The following DAGLB variants were observed in gnomAD, a reference collection of about 807,000 sequenced individuals.
The protein encoded by DAGLB is diacylglycerol lipase-beta.
Under a neutral mutation model 72.1 loss-of-function variants are expected in DAGLB, and 66 were observed. That is an observed-to-expected ratio of 0.92 (90% CI 0.75 to 1.12). DAGLB has a LOEUF of 1.12. Ranked by LOEUF, DAGLB falls within the 50% of genes most tolerant of loss-of-function variation. The pLI, the probability that DAGLB is intolerant of heterozygous loss-of-function variation, is 0.00. For synonymous variants in DAGLB, 414 were observed against 359.5 expected (o/e 1.15, Z -1.71); for missense variants, 1,065 against 884.9 (o/e 1.20, Z -2.58).
intron 11 of DAGLB, among the ~76,000 whole-genome samples, chr7:6,416,026 A>T (rs1468772572): frequency 6.6e-6 from 1 of 151,870 alleles, no homozygotes; most frequent in African/African-American, 2.4e-5. Flanking sequence ...CCCCTCTGCC[A>T]GGGCTGTGAG....
Position 6,416,901 on chromosome 7 carries a change from T to G in DAGLB, c.1239A>C (p.Arg413Ser). The G allele has an allele frequency of 6.2e-7, 1 of 1,614,214 alleles. No individual in the cohort carries two copies. Among genetic ancestry groups the G allele is most frequent in the Non-Finnish European group, 8.5e-7 (1 of 1,180,038 alleles). ...LAHKGISQAA[R>S]YVYQRLINDG... ...CGTTGATGAGTCGTTGGTAAACGTA[T>G]CTGGCAGCTTGAGAAATACCCTAAA... is the stretch of plus-strand genomic sequence containing the variant. Residue 413 changes from arginine to serine, a missense_variant, in exon 10 of 15, where the codon AGA becomes AGC. Coordinates refer to ENST00000297056, the MANE Select transcript of DAGLB (RefSeq NM_139179.4).
At chr7:6,430,677 C>A in intron 5 of DAGLB, 70 bp from the exon 6 acceptor site, 2 of 1,392,508 alleles carry the variant, frequency 1.4e-6, no homozygotes, top group Non-Finnish European at 9.5e-7. Context: ...CACACTGAGA[C>A]CTGAAACCTG....
chr7:6,443,813 C>T (rs575406533), intron 2 of DAGLB, among the ~76,000 whole-genome samples: 7 of 152,212 alleles, frequency 4.6e-5, no homozygotes, highest in African/African-American at 1.7e-4. Context: ...CTGCCTCTGA[C>T]CAATGAATCA....
intron 2 of DAGLB, among the ~76,000 whole-genome samples, 180 bp from the exon 3 acceptor site, chr7:6,436,713 A>G (rs1784670394): frequency 6.6e-6 from 1 of 152,160 alleles, no homozygotes; most frequent in Non-Finnish European, 1.5e-5. Flanking sequence ...GAAAATGAGG[A>G]TGGGAAACGT....
At chr7:6,426,360 C>G (rs2115265849) in intron 6 of DAGLB, among the ~76,000 whole-genome samples, 2 of 152,362 alleles carry the variant, frequency 1.3e-5, no homozygotes, top group East Asian at 3.9e-4. Flanking sequence ...ACCTCCGCCT[C>G]CCAGGTTCAG....
chr7:6,413,340 T>A (rs895716242), intron 11 of DAGLB, among the ~76,000 whole-genome samples: 1 of 152,132 alleles, frequency 6.6e-6, no homozygotes, highest in Non-Finnish European at 1.5e-5. Context: ...CCATCAAAGA[T>A]GCACTGGAGG....
At chr7:6,442,314 C>T (rs1784860304) in intron 2 of DAGLB, among the ~76,000 whole-genome samples, 1 of 152,088 alleles carries the variant, frequency 6.6e-6, no homozygotes, top group Non-Finnish European at 1.5e-5. Context: ...TGAGCTCTGA[C>T]CACAAGTACA....
chr7:6,445,748 C>T, intron 2 of DAGLB: 1 of 491,610 alleles, frequency 2.0e-6, no homozygotes, highest in Non-Finnish European at 3.4e-6. Flanking sequence ...CAGGTGTGAG[C>T]CACTGTGTCC....
At chr7:6,445,359 A>T (rs916056884) in intron 2 of DAGLB, among the ~76,000 whole-genome samples, 1 of 152,220 alleles carries the variant, frequency 6.6e-6, no homozygotes, top group Non-Finnish European at 1.5e-5. Flanking sequence ...GCTAAGCTTA[A>T]GAAACCAGAC....
chr7:6,418,245 T>G (rs949552141), intron 9 of DAGLB, among the ~76,000 whole-genome samples: 2 of 152,082 alleles, frequency 1.3e-5, no homozygotes, highest in African/African-American at 2.4e-5. Flanking sequence ...GGCTCATGCC[T>G]GTAATTCCAA....
chr7:6,420,947 CGCACTCTCT>C (rs1461059583), intron 9 of DAGLB, among the ~76,000 whole-genome samples: 3 of 152,194 alleles, frequency 2.0e-5, no homozygotes, highest in African/African-American at 7.2e-5. Context: ...GACCCTGGTG[CGCACTCTCT>C]GCTGCTCTGA....
intron 1 of DAGLB, among the ~76,000 whole-genome samples, chr7:6,446,728 GC>G (rs2115304617): frequency 6.6e-6 from 1 of 151,596 alleles, no homozygotes; most frequent in Admixed American, 6.6e-5. Context: ...AAAGATCTAG[GC>G]CCGGCACGGC....
At chr7:6,440,674 T>C (rs913023117) in intron 2 of DAGLB, among the ~76,000 whole-genome samples, 6 of 152,140 alleles carry the variant, frequency 3.9e-5, no homozygotes, top group African/African-American at 1.4e-4. Context: ...TGGCGGGAAG[T>C]TCGAGACCAG....
At chr7:6,435,845 C>T (rs542091212) in intron 3 of DAGLB, among the ~76,000 whole-genome samples, 2 of 152,322 alleles carry the variant, frequency 1.3e-5, no homozygotes, top group East Asian at 3.9e-4. Context: ...GCAGCAACAG[C>T]CCAGGTCTGA....
In DAGLB at chr7:6,421,711, G is replaced by A. The variant is rs764921115; in HGVS notation, c.1218+16C>T. ...GTCAGCATTCACAGGCAAGACACAC[G>A]AGTCCGCGCTCATACCTTGTGTGCC... On this transcript the variant is annotated intron_variant, in intron 9 of 14. Coordinates refer to ENST00000297056, the MANE Select transcript of DAGLB (RefSeq NM_139179.4). The A allele has an allele frequency of 6.3e-6, 10 of 1,593,620 alleles. No homozygotes were observed. The South Asian group carries it at 6.7e-5, about 11-fold the overall frequency.
chr7:6,412,960 G>A lies in DAGLB; in HGVS notation c.1496+6C>T. On this transcript the variant is annotated splice_donor_region_variant and intron_variant, in intron 12 of 14. Transcript: ENST00000297056. ...CAGCCCTGGGCACAGCACCAGGTGGGCTTACCTGGGAATCACATCCTTCCC... is the reference window on the plus strand; with the variant it reads ...CAGCCCTGGGCACAGCACCAGGTGGACTTACCTGGGAATCACATCCTTCCC... 6.2e-7 allele frequency: 1 copy of A among 1,613,892 alleles called. No homozygotes were observed. The highest frequency in any genetic ancestry group is 8.5e-7 in the Non-Finnish European group (1 of 1,179,876).
At chr7:6,423,346 G>C (rs375280577) in intron 8 of DAGLB, among the ~76,000 whole-genome samples, 1 of 152,150 alleles carries the variant, frequency 6.6e-6, no homozygotes, top group Non-Finnish European at 1.5e-5. Flanking sequence ...GGGCCATGGC[G>C]CTGGAAATGG....
intron 13 of DAGLB, among the ~76,000 whole-genome samples, chr7:6,410,902 T>G (rs1475051957): frequency 8.5e-6 from 1 of 117,348 alleles, no homozygotes. Flanking sequence ...TTTTTTTTTT[T>G]GAGACGGAGT....
chr7:6,409,942 G>C lies in DAGLB; in HGVS notation c.1914C>G (p.Asp638Glu), dbSNP rs755091158. 1 of 1,614,160 alleles carries C rather than the reference G, an allele frequency of 6.2e-7. No homozygotes were observed. Among genetic ancestry groups the C allele is most frequent in the Non-Finnish European group, 8.5e-7 (1 of 1,180,046 alleles). Residue 638 changes from aspartate to glutamate, a missense_variant, in exon 15 of 15, where the codon GAC becomes GAG. Physicochemically the swap from Asp to Glu is conservative, Grantham distance 45 (BLOSUM62 2). Transcript: ENST00000297056. ...KILIGPKMLT[D>E]HMPDILMRAL... ...CCCGCATCAGGATGTCTGGCATGTGGTCGGTGAGCATCTTCGGACCTATGA... is the reference window on the plus strand; with the variant it reads ...CCCGCATCAGGATGTCTGGCATGTGCTCGGTGAGCATCTTCGGACCTATGA...
Sources: gnomAD v4.1 joint callset for allele counts (sites outside exome capture counted in the v4.1 genomes callset) on GRCh38, gnomAD v4.1.1 for gene constraint, MANE v1.5 for transcripts, NCBI Gene and HGNC (gene_info 2026-07-23, HGNC 2026-07-21) for gene names.